Variants in DDX3X observed in about 807,000 individuals in gnomAD.
DDX3X encodes the protein DEAD-box helicase 3 X-linked.
A neutral mutation model predicts 52.7 loss-of-function variants in DDX3X; 4 were observed. That is an observed-to-expected ratio of 0.08 (90% CI 0.04 to 0.17). The LOEUF is 0.17. Ranked by LOEUF, DDX3X falls within the 10% of genes least tolerant of loss-of-function variation. DDX3X has a pLI of 1.00. For missense variants in DDX3X, 222 were observed against 548.6 expected, an observed-to-expected ratio of 0.40 and a Z score of 5.95; for synonymous variants, 192 against 178.1, an observed-to-expected ratio of 1.08 and a Z score of -0.62.
rs191215301 is a variant in DDX3X at position 41,362,158 on chromosome X, G to A, written c.655-2116G>A. Among the ~76,000 whole-genome samples the A allele has an allele frequency of 5.0e-3, 502 of 100,128 alleles. 7 individuals carry two copies. The highest frequency in any genetic ancestry group is 0.038 in the East Asian group (117 of 3,101). The allele number at this position is 100,128 out of a possible 115,157, so 86.9% of individuals were successfully genotyped here. A position where few individuals can be genotyped will look rare whatever the true frequency, so the allele number is the denominator to read the frequency against. On this transcript the variant is annotated intron_variant, in intron 5 of 5. Coordinates refer to the DDX3X transcript ENST00000616050. The stretch of plus-strand genomic sequence containing the variant: ...GACTGGAGTGCAATGGTGCGATCTC[G>A]GCTCACTGCAACCTCTGCCTCCTGG...
In DDX3X at chrX:41,348,773, C is replaced by T. The variant is rs188053707; in HGVS notation, c.*1054C>T. The T allele has an allele frequency of 8.0e-5, 9 of 111,918 alleles. No individual in the cohort carries two copies. Among genetic ancestry groups the T allele is most frequent in the African/African-American group, 9.8e-5 (3 of 30,768 alleles). 9.2% of individuals were successfully genotyped at this position (111,918 alleles called of 1,213,427 possible). A position where few individuals can be genotyped will look rare whatever the true frequency, so the allele number is the denominator to read the frequency against. On this transcript the variant is annotated 3_prime_UTR_variant, in exon 17 of 17. Coordinates refer to ENST00000644876, the MANE Select transcript of DDX3X (RefSeq NM_001356.5). The stretch of plus-strand genomic sequence containing the variant: ...ATGCAGCAGGCTTTATTTTAAATGC[C>T]GATTCACATTACTCTGTTCAAGCTG...
chrX:41,341,677 C>CAAACAGG, intron 4 of DDX3X, 61 bp downstream of exon 4: 1 of 1,054,609 alleles, frequency 9.5e-7, no homozygotes, highest in Non-Finnish European at 1.3e-6. Flanking sequence ...AGTCGTTATC[C>CAAACAGG]TGACCACCTG....
intron 12 of DDX3X, chrX:41,345,765 G>A (rs1277102442): frequency 4.1e-5 from 16 of 387,026 alleles, no homozygotes; most frequent in Admixed American, 5.0e-5. Context: ...AACTTAGTGT[G>A]GACACCTGAT....
At chrX:41,362,473 C>G (rs1203682463) in intron 5 of DDX3X, among the ~76,000 whole-genome samples, 1 of 111,244 alleles carries the variant, frequency 9.0e-6, no homozygotes, top group Non-Finnish European at 1.9e-5. Flanking sequence ...ACTTACTATA[C>G]AAGACTCCTG....
rs2063963517 is a variant in DDX3X at position 41,349,374 on chromosome X, T to A, written c.*1655T>A. 8.9e-6 allele frequency: 1 copy of A among 111,878 alleles called. No individual in the cohort carries two copies. The highest frequency in any genetic ancestry group is 3.3e-5 in the African/African-American group (1 of 30,677). The allele number at this position is 111,878 out of a possible 1,213,427, so 9.2% of individuals were successfully genotyped here. On this transcript the variant is annotated 3_prime_UTR_variant, in exon 17 of 17. Transcript: ENST00000644876. Reference sequence around the variant, plus strand: ...CAATCTTACTTTGTCTCTTGGAGATTGTTGAACGCAGCTTGTCTAGGAAGG... The same window carrying A: ...CAATCTTACTTTGTCTCTTGGAGATAGTTGAACGCAGCTTGTCTAGGAAGG...
chrX:41,358,626 G>A (rs1489273235), intron 5 of DDX3X, among the ~76,000 whole-genome samples: 1 of 111,928 alleles, frequency 8.9e-6, no homozygotes, highest in Non-Finnish European at 1.9e-5. Context: ...CCTTGTCCTT[G>A]AATGCTGCTG....
chrX:41,334,039 G>A (rs183894960), upstream of DDX3X: 114 of 428,587 alleles, frequency 2.7e-4, 1 homozygote, highest in African/African-American at 2.5e-3. Flanking sequence ...GGAGCGCGCA[G>A]TAGCCGGGCA....
At chrX:41,343,548 G>C (rs2063881476) in intron 7 of DDX3X, 189 bp from the exon 8 acceptor site, 6 of 530,644 alleles carry the variant, frequency 1.1e-5, no homozygotes, top group Non-Finnish European at 1.5e-5. Flanking sequence ...AAAATAACAG[G>C]CTTTATTTAC....
rs1215008588 is a variant in DDX3X, at chrX:41,348,861, CTG to C, written c.*1143_*1144del. 5.3e-5 allele frequency: 6 copies of C among 112,720 alleles called. No homozygotes were observed. Among genetic ancestry groups the C allele is most frequent in the Non-Finnish European group, 7.5e-5 (4 of 53,293 alleles). The allele number at this position is 112,720 out of a possible 1,213,427, so 9.3% of individuals were successfully genotyped here. A position where few individuals can be genotyped will look rare whatever the true frequency, so the allele number is the denominator to read the frequency against. On this transcript the variant is annotated 3_prime_UTR_variant, in exon 17 of 17. Transcript: ENST00000644876. ...AAAATGGCTCCAGAAGAGTAACAAA[CTG>C]AAATCTTTGAGATCACACAGGTTGG...
In DDX3X at chrX:41,337,461, C is replaced by T. The variant is rs1326601263; in HGVS notation, c.99C>T (p.Ala33=). 4 of 1,200,186 alleles carry T rather than the reference C, an allele frequency of 3.3e-6. No homozygotes were observed. The highest frequency in any genetic ancestry group is 3.4e-6 in the Non-Finnish European group (3 of 886,028). ...SSDNQSGGST[A]SKGRYIPPHL... ...ATAATCAGAGTGGAGGAAGTACAGCCAGCAGTAAGTACAACATCTTGTGGG... is the reference window on the plus strand; with the variant it reads ...ATAATCAGAGTGGAGGAAGTACAGCTAGCAGTAAGTACAACATCTTGTGGG... Residue 33 remains alanine (A), a synonymous_variant, in exon 2 of 17, where the codon GCC becomes GCT. Coordinates refer to ENST00000644876, the MANE Select transcript of DDX3X (RefSeq NM_001356.5).
intron 5 of DDX3X, among the ~76,000 whole-genome samples, chrX:41,358,908 A>ACG (rs1443547584): frequency 9.0e-6 from 1 of 111,255 alleles, no homozygotes; most frequent in African/African-American, 3.3e-5. Flanking sequence ...ACAGGTGCCC[A>ACG]CCACCACTCC....
chrX:41,345,070 G>T (rs1040133598), intron 10 of DDX3X, 110 bp from the exon 11 acceptor site: 20 of 767,092 alleles, frequency 2.6e-5, no homozygotes, highest in Non-Finnish European at 3.4e-5. Flanking sequence ...ATATATAATT[G>T]TAATAACCTA....
intron 3 of DDX3X, chrX:41,339,877 C>T (rs764110534): frequency 2.0e-5 from 2 of 100,844 alleles, no homozygotes; most frequent in African/African-American, 7.3e-5. Flanking sequence ...GATATAAAAT[C>T]TGTATTATTT....
At chrX:41,356,294 C>T (rs1479496420) in intron 5 of DDX3X, among the ~76,000 whole-genome samples, 2 of 108,204 alleles carry the variant, frequency 1.8e-5, no homozygotes, top group African/African-American at 6.7e-5. Flanking sequence ...TGCCCACCAA[C>T]ATGCCTGGCT....
chrX:41,345,735 A>T, intron 12 of DDX3X, 187 bp downstream of exon 12: 1 of 419,171 alleles, frequency 2.4e-6, no homozygotes, highest in Non-Finnish European at 4.1e-6. Flanking sequence ...TGCTTCCGGG[A>T]GGTTACCATG....
At chrX:41,339,009 A>ATT (rs756234750) in intron 2 of DDX3X, 27 bp from the exon 3 acceptor site, 86 of 753,663 alleles carry the variant, frequency 1.1e-4, no homozygotes, top group Non-Finnish European at 1.5e-4. Context: ...CATTTAATTA[A>ATT]TTTTATATAT....
chrX:41,353,297 CAA>C (rs61067509), downstream of DDX3X, among the ~76,000 whole-genome samples: 587 of 46,003 alleles, frequency 0.013, 8 homozygotes, highest in African/African-American at 0.048. Context: ...ACTAAAAATA[CAA>C]AAAAAAAAAA....
At chrX:41,343,542 T>C (rs1001272847) in intron 7 of DDX3X, 191 bp downstream of exon 7, 2 of 532,906 alleles carry the variant, frequency 3.8e-6, no homozygotes, top group Admixed American at 8.9e-5. Flanking sequence ...TTTATAAAAA[T>C]AACAGGCTTT....
chrX:41,350,792 A>G (rs1313925478), downstream of DDX3X: 3 of 111,955 alleles, frequency 2.7e-5, no homozygotes, highest in Admixed American at 1.9e-4. Flanking sequence ...ATCTATGCTT[A>G]CTGTACACAC....
Sources: allele counts gnomAD v4.1 joint callset (sites outside exome capture counted in the v4.1 genomes callset), GRCh38; gene constraint gnomAD v4.1.1; transcripts MANE v1.5; gene names NCBI Gene and HGNC (gene_info 2026-07-23, HGNC 2026-07-21).